The following ZNF385D variants were observed in gnomAD, a reference collection of about 807,000 sequenced individuals.
ZNF385D encodes zinc finger protein 385D.
Under a neutral mutation model 35.8 loss-of-function variants are expected in ZNF385D, and 15 were observed. The ratio of observed to expected loss-of-function variants is 0.42; its 90% CI spans 0.28 to 0.64. The LOEUF is 0.64. ZNF385D is among the 30% of genes least tolerant of loss of function. The probability of loss-of-function intolerance (pLI) is 0.23; values close to 1 mark genes in which losing one functional copy is unlikely to be tolerated. For synonymous variants in ZNF385D, 212 were observed against 186.8 expected (o/e 1.13, Z -1.10); for missense variants, 474 against 494.6 (o/e 0.96, Z 0.39).
intron 3 of ZNF385D, among the ~76,000 whole-genome samples, chr3:22,153,530 C>T (rs1337365472): frequency 1.4e-5 from 2 of 145,214 alleles, no homozygotes; most frequent in Non-Finnish European, 3.0e-5. Flanking sequence ...GTGGCACGGT[C>T]TCGGATCACT....
intron 2 of ZNF385D, among the ~76,000 whole-genome samples, chr3:22,217,294 C>T (rs1201459309): frequency 6.6e-6 from 1 of 152,074 alleles, no homozygotes; most frequent in African/African-American, 2.4e-5. Flanking sequence ...TTTTCTGCTC[C>T]CTGACATGGG....
chr3:22,253,763 C>T (rs1159830207), intron 2 of ZNF385D, among the ~76,000 whole-genome samples: 3 of 151,774 alleles, frequency 2.0e-5, no homozygotes, highest in African/African-American at 4.8e-5. Flanking sequence ...TATTAGAAAA[C>T]AAAATTACTG....
intron 3 of ZNF385D, among the ~76,000 whole-genome samples, chr3:21,890,775 T>C (rs1161747956): frequency 6.6e-6 from 1 of 152,128 alleles, no homozygotes; most frequent in Non-Finnish European, 1.5e-5. Flanking sequence ...GAATTGCTGA[T>C]GGGAAGGGGT....
intron 2 of ZNF385D, among the ~76,000 whole-genome samples, chr3:22,219,300 C>A (rs773845712): frequency 4.6e-5 from 7 of 152,054 alleles, no homozygotes; most frequent in African/African-American, 1.2e-4. Context: ...GAACTCCCTG[C>A]CTCTCTCCCC....
intron 3 of ZNF385D, among the ~76,000 whole-genome samples, chr3:21,987,555 C>G (rs1384225947): frequency 1.5e-5 from 2 of 129,444 alleles, no homozygotes; most frequent in East Asian, 4.2e-4. Flanking sequence ...GTCTGATGGG[C>G]TTCCCTTTGA....
chr3:22,029,252 G>GC lies in ZNF385D; in HGVS notation c.325+139564_325+139565insG, dbSNP rs1403735012. The stretch of plus-strand genomic sequence containing the variant: ...GGTGACTTACTTGCACTATCAAGAT[G>GC]AAATTAATCTATTACTCCAGCATGG... On this transcript the variant is annotated intron_variant, in intron 3 of 5. Transcript: ENST00000494108. Among the ~76,000 whole-genome samples, 72 of 152,314 alleles carry GC rather than the reference G, an allele frequency of 4.7e-4. 2 individuals are homozygous for GC. The East Asian group carries it at 0.013, about 27-fold the overall frequency.
intron 2 of ZNF385D, among the ~76,000 whole-genome samples, chr3:22,248,064 C>T (rs1052534783): frequency 6.6e-6 from 1 of 152,016 alleles, no homozygotes; most frequent in Non-Finnish European, 1.5e-5. Context: ...ATCTGGTAGC[C>T]CTCAATCAAG....
At chr3:21,955,767 AATG>A (rs1182920022) in intron 3 of ZNF385D, among the ~76,000 whole-genome samples, 1 of 152,120 alleles carries the variant, frequency 6.6e-6, no homozygotes, top group East Asian at 1.9e-4. Context: ...TCATTTATTA[AATG>A]TCTACTGTAT....
chr3:22,356,442 A>C (rs1272161689), intron 2 of ZNF385D, among the ~76,000 whole-genome samples: 1 of 151,922 alleles, frequency 6.6e-6, no homozygotes, highest in Non-Finnish European at 1.5e-5. Context: ...TAGTGAGGGC[A>C]AATCTAAGAA....
At chr3:21,556,068 G>GTTTTTTTTTTTTTTTTTTTTTTTTTTTTT (rs148079775) in intron 3 of ZNF385D, among the ~76,000 whole-genome samples, 12 of 99,050 alleles carry the variant, frequency 1.2e-4, no homozygotes, top group Non-Finnish European at 1.4e-4. Context: ...TTTTGTTTTT[G>GTTTTTTTTTTTTTTTTTTTTTTTTTTTTT]TTTTTTTTTT....
At chr3:22,305,785 A>G (rs1329568780) in intron 2 of ZNF385D, among the ~76,000 whole-genome samples, 2 of 152,146 alleles carry the variant, frequency 1.3e-5, no homozygotes, top group African/African-American at 4.8e-5. Context: ...TGAACAACCA[A>G]TGATTACTAC....
At chr3:22,260,889 G>A (rs1329759722) in intron 2 of ZNF385D, among the ~76,000 whole-genome samples, 2 of 151,932 alleles carry the variant, frequency 1.3e-5, no homozygotes, top group Non-Finnish European at 2.9e-5. Flanking sequence ...AACAGTTTTA[G>A]TAGAACAATA....
chr3:22,236,021 C>A (rs1699159698), intron 2 of ZNF385D, among the ~76,000 whole-genome samples: 1 of 152,038 alleles, frequency 6.6e-6, no homozygotes. Flanking sequence ...CATAAAGAAT[C>A]ATTGCAACAT....
intron 3 of ZNF385D, among the ~76,000 whole-genome samples, chr3:21,778,399 C>A (rs1035314502): frequency 1.3e-5 from 2 of 151,884 alleles, no homozygotes; most frequent in African/African-American, 2.4e-5. Context: ...AGAGCCTGAG[C>A]GAAAGGTGGC....
At chr3:21,865,045 CTTTTTTTTTTT>C (rs3073907) in intron 3 of ZNF385D, among the ~76,000 whole-genome samples, 8 of 21,186 alleles carry the variant, frequency 3.8e-4, no homozygotes, top group African/African-American at 1.3e-3. Flanking sequence ...ACAGGGAAGA[CTTTTTTTTTTT>C]TTTTTTTTTT....
intron 2 of ZNF385D, among the ~76,000 whole-genome samples, chr3:22,302,946 A>G (rs1203062511): frequency 6.6e-6 from 1 of 152,154 alleles, no homozygotes; most frequent in Non-Finnish European, 1.5e-5. Flanking sequence ...TAGTTTCATA[A>G]GAGTTTTAAT....
At chr3:21,748,136 G>A (rs555409280) in intron 1 of ZNF385D, among the ~76,000 whole-genome samples, 5 of 152,168 alleles carry the variant, frequency 3.3e-5, no homozygotes, top group Admixed American at 6.5e-5. Flanking sequence ...ACAAATGAAC[G>A]ATTATTGAAA....
intron 3 of ZNF385D, among the ~76,000 whole-genome samples, chr3:22,097,037 G>A (rs547562960): frequency 6.6e-6 from 1 of 152,158 alleles, no homozygotes; most frequent in South Asian, 2.1e-4. Context: ...CACAAGGAGA[G>A]GATCTCTAGG....
chr3:21,979,454 C>A (rs1209086182), intron 3 of ZNF385D, among the ~76,000 whole-genome samples: 1 of 152,104 alleles, frequency 6.6e-6, no homozygotes, highest in Admixed American at 6.6e-5. Context: ...AAGCTGAAAC[C>A]ACAACTCAGT....
Sources: gnomAD v4.1 joint callset for allele counts (sites outside exome capture counted in the v4.1 genomes callset) on GRCh38, gnomAD v4.1.1 for gene constraint, MANE v1.5 for transcripts, NCBI Gene and HGNC (gene_info 2026-07-23, HGNC 2026-07-21) for gene names.